Variants in NTM observed in about 807,000 individuals in gnomAD.
NTM encodes neurotrimin.
In NTM, 13 loss-of-function variants were observed where a neutral mutation model predicts 42.1. That is an observed-to-expected ratio of 0.31 (90% CI 0.20 to 0.49). The LOEUF (loss-of-function observed/expected upper bound fraction) is 0.49, where lower values mean the gene tolerates loss of function less well. Among genes scored for constraint, NTM ranks in the 20% least tolerant of loss-of-function variants. The probability of loss-of-function intolerance (pLI) is 0.99; values close to 1 mark genes in which losing one functional copy is unlikely to be tolerated. For missense variants in NTM, 373 were observed against 452.8 expected (o/e 0.82, Z 1.60); for synonymous variants, 187 against 179.2 (o/e 1.04, Z -0.35).
At chr11:132,215,780 ACT>A (rs2083725340) in intron 4 of NTM, among the ~76,000 whole-genome samples, 2 of 152,112 alleles carry the variant, frequency 1.3e-5, no homozygotes, top group South Asian at 4.1e-4. Flanking sequence ...TCCTGCCCTG[ACT>A]CTGCACAACT....
intron 4 of NTM, among the ~76,000 whole-genome samples, chr11:132,290,907 A>T (rs541890963): frequency 5.8e-4 from 88 of 152,314 alleles, no homozygotes; most frequent in Non-Finnish European, 1.1e-3. Context: ...TCCAGGTGGT[A>T]GTATGACAAA....
At chr11:131,592,308 C>G (rs905134419) in intron 1 of NTM, among the ~76,000 whole-genome samples, 1 of 152,080 alleles carries the variant, frequency 6.6e-6, no homozygotes, top group African/African-American at 2.4e-5. Flanking sequence ...AACTTCACCT[C>G]TCTGAGACTC....
chr11:131,942,943 C>T (rs2059959558), intron 2 of NTM, among the ~76,000 whole-genome samples: 1 of 46,212 alleles, frequency 2.2e-5, no homozygotes, highest in Non-Finnish European at 3.5e-5. Context: ...GAGACCCTGT[C>T]TCAAAAAAAA....
chr11:132,311,191 C>A (rs982845607), intron 6 of NTM, among the ~76,000 whole-genome samples: 4 of 152,184 alleles, frequency 2.6e-5, no homozygotes, highest in African/African-American at 9.7e-5. Context: ...CTTCAGCCAG[C>A]CTTGGCTTTG....
intron 1 of NTM, chr11:131,773,939 C>T (rs1182984755): frequency 6.6e-6 from 6 of 902,322 alleles, no homozygotes; most frequent in Non-Finnish European, 8.0e-6. Context: ...GTACAATTCC[C>T]ACAAGTGTGT....
chr11:131,844,601 C>A (rs923053001), intron 1 of NTM, among the ~76,000 whole-genome samples: 2 of 150,148 alleles, frequency 1.3e-5, no homozygotes, highest in Non-Finnish European at 3.0e-5. Context: ...TGCCCATGAA[C>A]ATGTTATATG....
intron 1 of NTM, among the ~76,000 whole-genome samples, chr11:131,824,832 A>G (rs2041938407): frequency 6.6e-6 from 1 of 152,146 alleles, no homozygotes; most frequent in Admixed American, 6.5e-5. Flanking sequence ...ATTCTGGACA[A>G]AAGAAATGGC....
chr11:131,634,016 A>G (rs995973822), intron 1 of NTM, among the ~76,000 whole-genome samples: 6 of 152,114 alleles, frequency 3.9e-5, no homozygotes, highest in Admixed American at 3.9e-4. Flanking sequence ...AAAGCAGCCC[A>G]ACTCTATCTC....
intron 2 of NTM, among the ~76,000 whole-genome samples, chr11:132,063,813 T>C (rs936809027): frequency 7.9e-5 from 12 of 152,178 alleles, no homozygotes; most frequent in African/African-American, 2.9e-4. Context: ...CTGTCTCCAC[T>C]TCATCTCCTC....
intron 1 of NTM, among the ~76,000 whole-genome samples, chr11:131,642,894 T>C (rs2065302477): frequency 6.6e-6 from 1 of 152,214 alleles, no homozygotes; most frequent in Non-Finnish European, 1.5e-5. Flanking sequence ...ATTCTCTCTG[T>C]ACCCAAAACG....
intron 1 of NTM, among the ~76,000 whole-genome samples, chr11:131,839,649 T>G (rs1474064181): frequency 6.6e-6 from 1 of 152,230 alleles, no homozygotes; most frequent in East Asian, 1.9e-4. Context: ...TGACAGTCAC[T>G]GGAGGGTTTT....
At chr11:132,255,891 T>C (rs1412041078) in intron 4 of NTM, among the ~76,000 whole-genome samples, 1 of 152,132 alleles carries the variant, frequency 6.6e-6, no homozygotes, top group East Asian at 1.9e-4. Flanking sequence ...TGGTCTCGGT[T>C]GCACATCTTC....
At chr11:131,776,937 T>G (rs1161934863) in intron 1 of NTM, 1 of 154,616 alleles carries the variant, frequency 6.5e-6, no homozygotes, top group Non-Finnish European at 1.4e-5. Context: ...TAGAACTTAG[T>G]AAAGGCTATA....
In NTM at chr11:132,076,808, G is replaced by C. The variant is rs571735528; in HGVS notation, c.168-69474G>C. Among the ~76,000 whole-genome samples the C allele has an allele frequency of 3.3e-5, 5 of 152,038 alleles. No homozygotes were observed. The South Asian group carries it at 1.0e-3, about 32-fold the overall frequency. On this transcript the variant is annotated intron_variant, in intron 2 of 8. Coordinates refer to ENST00000683400, the MANE Select transcript of NTM (RefSeq NM_001352005.2). ...TGAAGATCAGATAAGCTTTATGAAG[G>C]GTCTTCTGTAAAACAGCAAAGCCAA...
intron 2 of NTM, among the ~76,000 whole-genome samples, chr11:132,040,791 T>C (rs2077076502): frequency 6.6e-6 from 1 of 152,206 alleles, no homozygotes; most frequent in Non-Finnish European, 1.5e-5. Flanking sequence ...AATTAACCTG[T>C]TCAAGTCTTG....
intron 1 of NTM, among the ~76,000 whole-genome samples, chr11:131,543,880 T>C (rs1274938715): frequency 6.6e-6 from 1 of 152,120 alleles, no homozygotes; most frequent in Non-Finnish European, 1.5e-5. Flanking sequence ...TCATTCTAAT[T>C]AATAACAGTT....
intron 1 of NTM, among the ~76,000 whole-genome samples, chr11:131,692,816 A>T (rs1017006776): frequency 2.6e-5 from 4 of 152,148 alleles, no homozygotes; most frequent in African/African-American, 9.7e-5. Context: ...GAGGCAAAAA[A>T]GGGGTTAAAA....
intron 1 of NTM, among the ~76,000 whole-genome samples, chr11:131,627,352 C>T (rs895752811): frequency 1.7e-4 from 26 of 151,278 alleles, no homozygotes; most frequent in East Asian, 5.8e-4. Context: ...GTATAGCATT[C>T]GAGGAAAGTA....
intron 1 of NTM, among the ~76,000 whole-genome samples, chr11:131,697,699 A>G (rs1246158059): frequency 6.6e-6 from 1 of 152,076 alleles, no homozygotes; most frequent in African/African-American, 2.4e-5. Context: ...GTACTTTTCA[A>G]TGTCCTTTAA....
Sources: allele counts gnomAD v4.1 joint callset (sites outside exome capture counted in the v4.1 genomes callset), GRCh38; gene constraint gnomAD v4.1.1; transcripts MANE v1.5; gene names NCBI Gene and HGNC (gene_info 2026-07-23, HGNC 2026-07-21).